Variants in GALNT13 observed in about 807,000 individuals in gnomAD.
GALNT13 encodes polypeptide N-acetylgalactosaminyltransferase 13, also known as UDP-GalNAc:polypeptide N-acetylgalactosaminyltransferase 13.
A neutral mutation model predicts 64.2 loss-of-function variants in GALNT13; 28 were observed. The observed-to-expected ratio is 0.44, with a 90% CI of 0.32 to 0.60. GALNT13 has a LOEUF of 0.60. Ranked by LOEUF, GALNT13 falls within the 20% of genes least tolerant of loss-of-function variation. GALNT13 has a pLI of 0.05. For synonymous variants in GALNT13, 214 were observed against 224.6 expected (o/e 0.95, Z 0.42); for missense variants, 577 against 669.8 (o/e 0.86, Z 1.53).
the GALNT13 span, among the ~76,000 whole-genome samples, chr2:153,607,416 A>G: frequency 6.6e-6 from 1 of 152,160 alleles, no homozygotes. Flanking sequence ...TAAATATGTT[A>G]TCAGAGAAAA....
chr2:154,265,274 T>C (rs894044516), intron 8 of GALNT13, among the ~76,000 whole-genome samples: 7 of 152,000 alleles, frequency 4.6e-5, no homozygotes, highest in Admixed American at 1.3e-4. Context: ...AACAGCCCTG[T>C]ATCTAGTAAA....
the GALNT13 span, among the ~76,000 whole-genome samples, chr2:153,613,802 A>G: frequency 6.6e-6 from 1 of 151,846 alleles, no homozygotes; most frequent in Non-Finnish European, 1.5e-5. Context: ...AAGGACATGA[A>G]CTCATCCTTT....
chr2:153,917,369 A>G (rs1330824876), intron 2 of GALNT13, among the ~76,000 whole-genome samples: 1 of 152,130 alleles, frequency 6.6e-6, no homozygotes. Flanking sequence ...AACACACAGA[A>G]TATTTCTAAC....
intron 3 of GALNT13, among the ~76,000 whole-genome samples, chr2:154,013,223 T>C (rs932710614): frequency 4.0e-5 from 6 of 151,766 alleles, no homozygotes; most frequent in African/African-American, 1.5e-4. Flanking sequence ...CGAAGCCTTT[T>C]GCTTTTATCT....
chr2:153,085,304 T>C, the GALNT13 span, among the ~76,000 whole-genome samples: 2 of 152,168 alleles, frequency 1.3e-5, no homozygotes, highest in Non-Finnish European at 2.9e-5. Context: ...CTGCAGAAAT[T>C]TGCATAAGTA....
chr2:153,519,156 C>T, the GALNT13 span, among the ~76,000 whole-genome samples: 8 of 152,278 alleles, frequency 5.3e-5, no homozygotes, highest in Admixed American at 3.9e-4. Flanking sequence ...CTATTTCACA[C>T]GTCCAAACAG....
the GALNT13 span, among the ~76,000 whole-genome samples, chr2:153,828,720 T>C: frequency 1.3e-5 from 2 of 152,228 alleles, no homozygotes; most frequent in Non-Finnish European, 2.9e-5. Context: ...TCGTTACTTA[T>C]GCAAATTTCT....
At chr2:153,177,425 A>G in the GALNT13 span, among the ~76,000 whole-genome samples, 1 of 152,140 alleles carries the variant, frequency 6.6e-6, no homozygotes, top group Admixed American at 6.5e-5. Context: ...AAGTAAAAAC[A>G]AATAGTAAGA....
chr2:153,561,413 T>C, the GALNT13 span, among the ~76,000 whole-genome samples: 3 of 152,016 alleles, frequency 2.0e-5, no homozygotes, highest in African/African-American at 7.2e-5. Context: ...ATAAAATCCA[T>C]TTATGTTTTA....
chr2:153,162,285 T>G, the GALNT13 span, among the ~76,000 whole-genome samples: 93,595 of 152,022 alleles, frequency 0.62, 29,064 homozygotes, highest in East Asian at 0.82. Flanking sequence ...TAGCAGTTAA[T>G]TTTCACATTT....
chr2:153,715,664 AGGC>A, the GALNT13 span, among the ~76,000 whole-genome samples: 3 of 152,196 alleles, frequency 2.0e-5, no homozygotes, highest in Non-Finnish European at 4.4e-5. Context: ...GCATTCCAGC[AGGC>A]TTGGCTCAGA....
At chr2:154,164,490 G>A (rs1037030055) in intron 4 of GALNT13, among the ~76,000 whole-genome samples, 29 of 151,940 alleles carry the variant, frequency 1.9e-4, no homozygotes, top group Admixed American at 5.2e-4. Flanking sequence ...TGTCCTTCAA[G>A]GAAAGATACG....
the GALNT13 span, among the ~76,000 whole-genome samples, chr2:153,720,390 A>G: frequency 6.6e-6 from 1 of 150,882 alleles, no homozygotes. Flanking sequence ...TGGAAACTCT[A>G]AAACGCAGAG....
chr2:153,457,914 C>G, the GALNT13 span, among the ~76,000 whole-genome samples: 1 of 152,322 alleles, frequency 6.6e-6, no homozygotes, highest in East Asian at 1.9e-4. Flanking sequence ...ATACCCTCCC[C>G]ATCCTGTTGG....
the GALNT13 span, among the ~76,000 whole-genome samples, chr2:153,208,973 C>CTTTTTTTTTTT: frequency 8.7e-4 from 65 of 74,676 alleles, 8 homozygotes; most frequent in African/African-American, 1.3e-3. Flanking sequence ...TGGTTTTGGT[C>CTTTTTTTTTTT]TTTTTTTTTT....
chr2:154,008,459 T>C (rs560842450), intron 3 of GALNT13, among the ~76,000 whole-genome samples: 1 of 152,250 alleles, frequency 6.6e-6, no homozygotes, highest in East Asian at 1.9e-4. Context: ...GGTTTAGGGG[T>C]ATATGTACAT....
the GALNT13 span, among the ~76,000 whole-genome samples, chr2:153,571,242 A>G: frequency 2.0e-5 from 3 of 151,806 alleles, no homozygotes; most frequent in African/African-American, 7.2e-5. Flanking sequence ...TAGTTTTTAA[A>G]TTTCTTTTTC....
At chr2:153,387,552 T>C in the GALNT13 span, among the ~76,000 whole-genome samples, 2 of 152,100 alleles carry the variant, frequency 1.3e-5, no homozygotes, top group South Asian at 2.1e-4. Flanking sequence ...TTTAGAAGTG[T>C]AGGTATCAAA....
intron 4 of GALNT13, among the ~76,000 whole-genome samples, chr2:154,154,475 A>G (rs1684281048): frequency 6.6e-6 from 1 of 152,160 alleles, no homozygotes; most frequent in Non-Finnish European, 1.5e-5. Flanking sequence ...CAAAAACATG[A>G]TGTGATGGAA....
Sources: gnomAD v4.1 joint callset for allele counts (sites outside exome capture counted in the v4.1 genomes callset) on GRCh38, gnomAD v4.1.1 for gene constraint, MANE v1.5 for transcripts, NCBI Gene and HGNC (gene_info 2026-07-23, HGNC 2026-07-21) for gene names.